RAD18: variants seen among roughly 807,000 people sequenced by gnomAD.
RAD18 encodes E3 ubiquitin-protein ligase RAD18.
In RAD18, 47 loss-of-function variants were observed where a neutral mutation model predicts 60.4. That is an observed-to-expected ratio of 0.78 (90% CI 0.62 to 0.99). The LOEUF (loss-of-function observed/expected upper bound fraction) is 0.99. Among genes scored for constraint, RAD18 ranks in the 50% least tolerant of loss-of-function variants. The probability of loss-of-function intolerance (pLI) is 0.00; values close to 1 mark genes in which losing one functional copy is unlikely to be tolerated. For synonymous variants in RAD18, 225 were observed against 195.5 expected, an observed-to-expected ratio of 1.15 and a Z score of -1.26; for missense variants, 640 against 593.3, an observed-to-expected ratio of 1.08 and a Z score of -0.82.
At chr3:8,885,886 C>T (rs1160790980) in intron 12 of RAD18, among the ~76,000 whole-genome samples, 1 of 152,164 alleles carries the variant, frequency 6.6e-6, no homozygotes, top group Non-Finnish European at 1.5e-5. Context: ...TAAAGGCACC[C>T]AACTGCTCAG....
intron 2 of RAD18, among the ~76,000 whole-genome samples, chr3:8,950,567 C>A (rs75504452): frequency 0.016 from 2,408 of 152,208 alleles, 62 homozygotes; most frequent in African/African-American, 0.055. Flanking sequence ...AGAATGTGTC[C>A]CCTCTGCCCA....
At position 8,933,947 on chromosome 3, in the gene RAD18, T is replaced by C. The variant is rs1291883735; in HGVS notation, c.889+1924A>G. 3.9e-5 allele frequency among the ~76,000 whole-genome samples: 6 copies of C among 152,210 alleles called. No homozygotes were observed. The East Asian group carries it at 1.2e-3, about 29-fold the overall frequency. ...ACACATTATTTATCCTGCTCAACGG[T>C]AAATAATAGCCCAATGGAACAAAAC... On this transcript the variant is annotated intron_variant, in intron 7 of 12. Coordinates refer to ENST00000264926, the MANE Select transcript of RAD18 (RefSeq NM_020165.4).
intron 7 of RAD18, among the ~76,000 whole-genome samples, chr3:8,928,332 T>G (rs1034186462): frequency 3.3e-5 from 5 of 151,784 alleles, no homozygotes; most frequent in Non-Finnish European, 7.4e-5. Flanking sequence ...CCCAACCAAA[T>G]AGAATAAATG....
intron 7 of RAD18, among the ~76,000 whole-genome samples, chr3:8,920,236 G>A (rs527537128): frequency 1.4e-5 from 2 of 141,072 alleles, no homozygotes; most frequent in African/African-American, 2.7e-5. Flanking sequence ...CCGAGATCGT[G>A]CCACTGCACT....
At chr3:8,895,365 T>C (rs1939766093) in intron 11 of RAD18, among the ~76,000 whole-genome samples, 1 of 152,256 alleles carries the variant, frequency 6.6e-6, no homozygotes, top group African/African-American at 2.4e-5. Flanking sequence ...AAAGCCATCA[T>C]TGACTTACAG....
At chr3:8,963,293 C>A (rs1163034493) in intron 1 of RAD18, 42 bp downstream of exon 1, 1 of 1,571,260 alleles carries the variant, frequency 6.4e-7, no homozygotes, top group East Asian at 2.4e-5. Flanking sequence ...GGACCTCCCC[C>A]CGCAGACACC....
chr3:8,895,635 CT>C (rs1215382592), intron 11 of RAD18, among the ~76,000 whole-genome samples: 9 of 136,866 alleles, frequency 6.6e-5, no homozygotes, highest in African/African-American at 3.2e-4. Context: ...AGTACTTGCT[CT>C]CTTTTTTTTT....
intron 7 of RAD18, among the ~76,000 whole-genome samples, chr3:8,920,530 A>G (rs1223249573): frequency 6.6e-6 from 1 of 152,200 alleles, no homozygotes; most frequent in East Asian, 1.9e-4. Context: ...CAGACTTCTT[A>G]TTAGTAGCAA....
At chr3:8,901,824 C>T (rs1350025347) in intron 10 of RAD18, among the ~76,000 whole-genome samples, 1 of 152,124 alleles carries the variant, frequency 6.6e-6, no homozygotes, top group Non-Finnish European at 1.5e-5. Context: ...TATTTTACCA[C>T]AATATAGAAA....
At chr3:8,898,658 T>C (rs913915362) in intron 11 of RAD18, among the ~76,000 whole-genome samples, 2 of 152,150 alleles carry the variant, frequency 1.3e-5, no homozygotes, top group Non-Finnish European at 2.9e-5. Context: ...GTAGGAAAAG[T>C]ATCTACATAA....
At chr3:8,898,629 C>A (rs1338697224) in intron 11 of RAD18, among the ~76,000 whole-genome samples, 6 of 152,108 alleles carry the variant, frequency 3.9e-5, no homozygotes, top group East Asian at 1.9e-4. Flanking sequence ...CACTGTCTAT[C>A]ATGCTTTCTT....
intron 4 of RAD18, among the ~76,000 whole-genome samples, chr3:8,943,204 T>C (rs1043570250): frequency 6.6e-6 from 1 of 152,148 alleles, no homozygotes; most frequent in African/African-American, 2.4e-5. Flanking sequence ...TTTAAAATTA[T>C]TGAACATGCA....
At position 8,879,096 on chromosome 3, in the gene RAD18, T is replaced by C. The variant is rs1939413229; in HGVS notation, c.*2261A>G. 1 of 152,180 alleles carries C rather than the reference T, an allele frequency of 6.6e-6. No individual in the cohort carries two copies. Among genetic ancestry groups the C allele is most frequent in the African/African-American group, 2.4e-5 (1 of 41,432 alleles). The allele number at this position is 152,180 out of a possible 1,614,324, so 9.4% of individuals were successfully genotyped here. On this transcript the variant is annotated 3_prime_UTR_variant, in exon 13 of 13. Transcript: ENST00000264926. Reference sequence around the variant, plus strand: ...ATAAATGCTCTTTAGACCTTACTTTTCAGGTAGACTTGGGAGTTCCTTTAC... The same window carrying C: ...ATAAATGCTCTTTAGACCTTACTTTCCAGGTAGACTTGGGAGTTCCTTTAC...
At chr3:8,906,893 C>A (rs73019784) in intron 9 of RAD18, among the ~76,000 whole-genome samples, 10,580 of 151,316 alleles carry the variant, frequency 0.07, 494 homozygotes, top group South Asian at 0.14. Context: ...CTTCTTTGAC[C>A]TATGGGTTAT....
chr3:8,905,005 G>C (rs9878831), intron 9 of RAD18, among the ~76,000 whole-genome samples: 2,339 of 152,336 alleles, frequency 0.015, 69 homozygotes, highest in African/African-American at 0.054. Context: ...TTTAGCCAGA[G>C]AATTCCAATA....
chr3:8,930,970 C>A (rs1354476121), intron 7 of RAD18, among the ~76,000 whole-genome samples: 1 of 151,902 alleles, frequency 6.6e-6, no homozygotes, highest in Non-Finnish European at 1.5e-5. Flanking sequence ...GGATGTTTGC[C>A]CACACCACTT....
At chr3:8,949,352 G>A (rs150118405) in intron 2 of RAD18, among the ~76,000 whole-genome samples, 58 of 152,272 alleles carry the variant, frequency 3.8e-4, no homozygotes, top group African/African-American at 1.2e-3. Context: ...TTCAGGATTC[G>A]TTTAGTTGAG....
intron 2 of RAD18, among the ~76,000 whole-genome samples, chr3:8,953,925 T>C (rs6790556): frequency 0.051 from 7,746 of 152,222 alleles, 658 homozygotes; most frequent in African/African-American, 0.17. Flanking sequence ...AAATATGAAA[T>C]GTTCCCCTTA....
intron 4 of RAD18, among the ~76,000 whole-genome samples, chr3:8,943,454 A>C (rs1487424668): frequency 6.6e-6 from 1 of 152,184 alleles, no homozygotes; most frequent in African/African-American, 2.4e-5. Flanking sequence ...TGAGTATAAC[A>C]ACACACAATA....
Sources: gnomAD v4.1 joint callset for allele counts (sites outside exome capture counted in the v4.1 genomes callset) on GRCh38, gnomAD v4.1.1 for gene constraint, MANE v1.5 for transcripts, NCBI Gene and HGNC (gene_info 2026-07-23, HGNC 2026-07-21) for gene names.